The following NCOA7 variants were observed in gnomAD, a reference collection of about 807,000 sequenced individuals.
The protein encoded by NCOA7 is 140 kDa estrogen receptor-associated protein.
Under a neutral mutation model 104.3 loss-of-function variants are expected in NCOA7, and 45 were observed. The observed-to-expected ratio is 0.43, with a 90% CI of 0.34 to 0.55. The LOEUF is 0.55. Among genes scored for constraint, NCOA7 ranks in the 20% least tolerant of loss-of-function variants. The pLI is 0.02. For missense variants in NCOA7, 1,041 were observed against 1,119.7 expected, an observed-to-expected ratio of 0.93 and a Z score of 1.00; for synonymous variants, 398 against 402.3, an observed-to-expected ratio of 0.99 and a Z score of 0.13.
upstream of NCOA7, among the ~76,000 whole-genome samples, chr6:125,786,887 C>G (rs1414292069): frequency 3.9e-5 from 6 of 152,138 alleles, no homozygotes; most frequent in Non-Finnish European, 8.8e-5. Context: ...GGGCTCATGT[C>G]TGTAGTCCCA....
chr6:125,809,463 A>G (rs953678400), intron 1 of NCOA7, among the ~76,000 whole-genome samples: 2 of 152,182 alleles, frequency 1.3e-5, no homozygotes, highest in African/African-American at 4.8e-5. Context: ...GAATATAGGC[A>G]TGAGCCACTG....
At chr6:125,927,551 TA>T in intron 13 of NCOA7, 111 bp from the exon 14 acceptor site, 1 of 780,808 alleles carries the variant, frequency 1.3e-6, no homozygotes, top group South Asian at 1.6e-5. Flanking sequence ...AATTTAGTAA[TA>T]ATCTTTGCTG....
intron 2 of NCOA7, among the ~76,000 whole-genome samples, chr6:125,829,090 A>G (rs1778914201): frequency 6.6e-6 from 1 of 152,064 alleles, no homozygotes; most frequent in Non-Finnish European, 1.5e-5. Context: ...TGAAAACATT[A>G]ATTTAGAAAT....
Position 125,930,426 on chromosome 6 carries a change from A to C in NCOA7, c.*1655A>C, listed in dbSNP as rs938854613. 2.6e-5 allele frequency: 4 copies of C among 152,654 alleles called. No individual in the cohort carries two copies. Among genetic ancestry groups the C allele is most frequent in the Non-Finnish European group, 2.9e-5 (2 of 68,034 alleles). The allele number at this position is 152,654 out of a possible 1,614,324, so 9.5% of individuals were successfully genotyped here. A position where few individuals can be genotyped will look rare whatever the true frequency, so the allele number is the denominator to read the frequency against. On this transcript the variant is annotated 3_prime_UTR_variant, in exon 16 of 16. Coordinates refer to ENST00000392477, the MANE Select transcript of NCOA7 (RefSeq NM_181782.5). ...ATTATTGATTACCAGACTTTTATGA[A>C]AGCCAAAGACTGCTTGCTAGTAGGA...
rs776922889 is a variant in NCOA7, at chr6:125,928,232, A to C, written c.2678A>C (p.Glu893Ala). ...ATCAATGGAGACATAAGTTCTTTAG[A>C]ACTTGGTGGTGGAGGGTAAGGTTTT... is the stretch of plus-strand genomic sequence containing the variant. The part of the protein sequence containing the change: ...YFINGDISSL[E>A]LGGGGGRFGL... Residue 893 changes from glutamate to alanine, a missense_variant, in exon 15 of 16, where the codon GAA (glutamate) becomes GCA (alanine). By Grantham distance (107) the Glu-to-Ala change is moderately radical. Around this residue, in one of 2 missense-constraint regions of NCOA7, gnomAD observed 127 missense variants for 177.0 expected, o/e 0.72. Transcript: ENST00000392477. 2 of 1,612,100 alleles carry C rather than the reference A, an allele frequency of 1.2e-6. No individual in the cohort carries two copies.
intron 5 of NCOA7, among the ~76,000 whole-genome samples, chr6:125,880,439 A>T (rs1255255300): frequency 2.0e-5 from 3 of 151,570 alleles, no homozygotes; most frequent in Non-Finnish European, 2.9e-5. Context: ...CTTCAGTTGG[A>T]CCCACTTGCT....
At chr6:125,898,136 A>G (rs1440834606) in intron 10 of NCOA7, among the ~76,000 whole-genome samples, 2 of 152,130 alleles carry the variant, frequency 1.3e-5, no homozygotes. Flanking sequence ...TTCTTTTTCT[A>G]AACTATTCAC....
intron 10 of NCOA7, among the ~76,000 whole-genome samples, chr6:125,914,786 G>T (rs1786903104): frequency 6.6e-6 from 1 of 152,176 alleles, no homozygotes; most frequent in Non-Finnish European, 1.5e-5. Context: ...CAGCAGAGAA[G>T]TTGGAAGCAA....
At chr6:125,846,678 C>T (rs1047592319) in intron 2 of NCOA7, among the ~76,000 whole-genome samples, 1 of 152,154 alleles carries the variant, frequency 6.6e-6, no homozygotes, top group Non-Finnish European at 1.5e-5. Flanking sequence ...TTAAAGTTGA[C>T]GTTTACATAT....
At position 125,821,054 on chromosome 6, in the gene NCOA7, A is replaced by G. The variant is rs187302221; in HGVS notation, c.50+5650A>G. Among the ~76,000 whole-genome samples, 11 of 152,252 alleles carry G rather than the reference A, an allele frequency of 7.2e-5. No individual in the cohort carries two copies. In the East Asian group the frequency reaches 2.1e-3, roughly 29 times the overall value. ...AGTGGCTTGATGAACCGTCATGTCA[A>G]GCGGCGTGCCAGTGATACTGGCCCC... is the stretch of plus-strand genomic sequence containing the variant. On this transcript the variant is annotated intron_variant, in intron 2 of 15. Transcript: ENST00000392477.
chr6:125,853,854 G>T (rs11961433), intron 2 of NCOA7, among the ~76,000 whole-genome samples: 1 of 152,176 alleles, frequency 6.6e-6, no homozygotes, highest in East Asian at 1.9e-4. Context: ...GAAATTCCTA[G>T]CCTGAGGTCA....
chr6:125,844,992 A>G (rs1279903384), intron 2 of NCOA7, among the ~76,000 whole-genome samples: 1 of 152,172 alleles, frequency 6.6e-6, no homozygotes, highest in African/African-American at 2.4e-5. Flanking sequence ...ATTGGAGGCT[A>G]TTATTTTTAT....
intron 10 of NCOA7, among the ~76,000 whole-genome samples, chr6:125,901,625 A>G (rs549990170): frequency 6.6e-6 from 1 of 152,288 alleles, no homozygotes; most frequent in African/African-American, 2.4e-5. Flanking sequence ...CGACCACTGG[A>G]GCCCCAGAGG....
At chr6:125,844,749 A>G (rs1007085857) in intron 2 of NCOA7, among the ~76,000 whole-genome samples, 4 of 152,234 alleles carry the variant, frequency 2.6e-5, no homozygotes, top group Non-Finnish European at 4.4e-5. Context: ...ATGAACATAT[A>G]TTAATACCTG....
chr6:125,861,991 T>G (rs1782092060), intron 3 of NCOA7, among the ~76,000 whole-genome samples: 2 of 117,384 alleles, frequency 1.7e-5, no homozygotes, highest in Admixed American at 1.8e-4. Flanking sequence ...GAGCCGAGAT[T>G]CCACCATTGC....
chr6:125,855,255 C>T lies in NCOA7; in HGVS notation c.271+15C>T, dbSNP rs1204100998. Reference sequence around the variant, plus strand: ...TTATAGTATTGGTGAGTATTCATGGCGTTACTGCAGTATTTTCATTTAAAA... The same window carrying T: ...TTATAGTATTGGTGAGTATTCATGGTGTTACTGCAGTATTTTCATTTAAAA... On this transcript the variant is annotated intron_variant, in intron 3 of 15. Transcript: ENST00000392477. 17 of 1,541,396 alleles carry T rather than the reference C, an allele frequency of 1.1e-5. No homozygotes were observed. The highest frequency in any genetic ancestry group is 5.5e-5 in the African/African-American group (4 of 73,152).
intron 3 of NCOA7, among the ~76,000 whole-genome samples, 164 bp from the exon 4 acceptor site, chr6:125,874,725 A>G (rs2128639751): frequency 6.6e-6 from 1 of 152,294 alleles, no homozygotes; most frequent in Middle Eastern, 3.4e-3. Flanking sequence ...TTCAGGACGA[A>G]TAGTGTGCTT....
At chr6:125,921,184 C>T in intron 12 of NCOA7, 116 bp downstream of exon 12, 10 of 1,333,830 alleles carry the variant, frequency 7.5e-6, no homozygotes, top group South Asian at 1.4e-5. Flanking sequence ...CCAAGGCAGG[C>T]GGATCACTTG....
chr6:125,899,398 A>G (rs1409911563), intron 10 of NCOA7, among the ~76,000 whole-genome samples: 2 of 152,220 alleles, frequency 1.3e-5, no homozygotes, highest in African/African-American at 4.8e-5. Context: ...TGCCAAGAAG[A>G]CCATAATCTT....
Sources: allele counts gnomAD v4.1 joint callset (sites outside exome capture counted in the v4.1 genomes callset), GRCh38; gene constraint gnomAD v4.1.1; regional missense constraint gnomAD v4.1.1; transcripts MANE v1.5; gene names NCBI Gene and HGNC (gene_info 2026-07-23, HGNC 2026-07-21).